NFIB: variants seen among roughly 807,000 people sequenced by gnomAD.
The protein encoded by NFIB is nuclear factor 1 B-type.
NFIB carries 11 observed loss-of-function variants against 61.5 expected under a neutral mutation model. The ratio of observed to expected loss-of-function variants is 0.18; its 90% CI spans 0.11 to 0.30. NFIB has a LOEUF of 0.30. Ranked by LOEUF, NFIB falls within the 10% of genes least tolerant of loss-of-function variation. The pLI is 1.00. For synonymous variants in NFIB, 260 were observed against 216.5 expected (o/e 1.20, Z -1.76); for missense variants, 471 against 608.9 (o/e 0.77, Z 2.38).
the NFIB span, among the ~76,000 whole-genome samples, chr9:14,407,366 A>G: frequency 2.9e-4 from 44 of 152,336 alleles, no homozygotes; most frequent in East Asian, 2.3e-3. Flanking sequence ...TTAACTGGCC[A>G]GTTATTTAGC....
chr9:14,457,658 G>A, the NFIB span, among the ~76,000 whole-genome samples: 1 of 151,116 alleles, frequency 6.6e-6, no homozygotes, highest in African/African-American at 2.4e-5. Context: ...GAATCAAATA[G>A]ACACAATAAA....
intron 2 of NFIB, among the ~76,000 whole-genome samples, chr9:14,299,490 A>T (rs1415068563): frequency 6.6e-6 from 1 of 152,232 alleles, no homozygotes. Flanking sequence ...GCATGTATTT[A>T]ACATGAAATA....
At chr9:14,225,660 A>G (rs1563920531) in intron 2 of NFIB, among the ~76,000 whole-genome samples, 2 of 152,072 alleles carry the variant, frequency 1.3e-5, no homozygotes, top group Non-Finnish European at 2.9e-5. Context: ...AAAGTCTGAT[A>G]TAGAAAGTAA....
At chr9:14,492,596 C>T in the NFIB span, among the ~76,000 whole-genome samples, 15 of 151,942 alleles carry the variant, frequency 9.9e-5, no homozygotes, top group African/African-American at 3.6e-4. Context: ...GGGAAGGTGC[C>T]ACATACTTTT....
intron 2 of NFIB, among the ~76,000 whole-genome samples, chr9:14,263,447 C>A (rs571566004): frequency 6.6e-6 from 1 of 152,222 alleles, no homozygotes; most frequent in South Asian, 2.1e-4. Context: ...TGTTTCCATA[C>A]CCGTATTTAC....
chr9:14,113,060 G>C lies in NFIB; in HGVS notation c.1406C>G (p.Ser469Cys). 1.3e-6 allele frequency: 2 copies of C among 1,550,212 alleles called. No individual in the cohort carries two copies. ...STEAYTASGT[S>C]QANRYVGLSP... ...TAGTCCCACATATCGATTGGCTTGA[G>C]ATGTGCCTGAGGCTGTGTAGGCTGA... Residue 469 changes from serine to cysteine, a missense_variant, in exon 10 of 11, where the codon TCT becomes TGT. Physicochemically the swap from Ser to Cys is moderately radical, Grantham distance 112. This residue lies in a region of NFIB where 372 missense variants were observed against 395.6 expected (regional missense o/e 0.94). Transcript: ENST00000380953.
At chr9:14,247,935 CT>C (rs1051234569) in intron 2 of NFIB, among the ~76,000 whole-genome samples, 226 of 138,034 alleles carry the variant, frequency 1.6e-3, no homozygotes, top group Admixed American at 1.9e-3. Flanking sequence ...TTCTTTTTTT[CT>C]TTTTTTTTTT....
the NFIB span, among the ~76,000 whole-genome samples, chr9:14,453,872 G>T: frequency 6.6e-6 from 1 of 151,976 alleles, no homozygotes; most frequent in Non-Finnish European, 1.5e-5. Context: ...CACAGGGTCA[G>T]GAGATCGAGA....
chr9:14,248,083 C>A (rs901806359), intron 2 of NFIB, among the ~76,000 whole-genome samples: 2 of 151,894 alleles, frequency 1.3e-5, no homozygotes, highest in African/African-American at 4.8e-5. Flanking sequence ...AAGGCATGCA[C>A]CACCATGCCC....
At chr9:14,508,171 A>G in the NFIB span, among the ~76,000 whole-genome samples, 4 of 151,804 alleles carry the variant, frequency 2.6e-5, no homozygotes, top group African/African-American at 9.7e-5. Context: ...GAAAAGCATC[A>G]CTGCTTTTCT....
chr9:14,365,939 A>G (rs1389914767), intron 1 of NFIB, among the ~76,000 whole-genome samples: 1 of 152,174 alleles, frequency 6.6e-6, no homozygotes, highest in African/African-American at 2.4e-5. Context: ...CCTGAGAGCC[A>G]GATGTGGGCT....
chr9:14,434,590 C>T, the NFIB span, among the ~76,000 whole-genome samples: 2 of 152,166 alleles, frequency 1.3e-5, no homozygotes, highest in Non-Finnish European at 2.9e-5. Context: ...ATCCTTGAAG[C>T]TAGTTTTCTC....
At chr9:14,289,201 A>C (rs1050563037) in intron 2 of NFIB, among the ~76,000 whole-genome samples, 2 of 138,592 alleles carry the variant, frequency 1.4e-5, no homozygotes, top group Non-Finnish European at 3.1e-5. Flanking sequence ...AATATATACC[A>C]AATATATAAT....
intron 5 of NFIB, among the ~76,000 whole-genome samples, chr9:14,149,796 GT>G (rs1776814192): frequency 6.6e-6 from 1 of 152,072 alleles, no homozygotes; most frequent in Non-Finnish European, 1.5e-5. Context: ...CCAGGAATCA[GT>G]TATAAACCAG....
In NFIB at chr9:14,082,145, A is replaced by T. The variant is rs2032040664; in HGVS notation, c.*6164T>A. On this transcript the variant is annotated 3_prime_UTR_variant, in exon 11 of 11. Transcript: ENST00000380953. The stretch of plus-strand genomic sequence containing the variant: ...GAGGCCTGAACTCTAGAAATTAAGT[A>T]ACTGTCGTATAATACATCCTACTGC... The T allele has an allele frequency of 4.8e-6, 1 of 207,536 alleles. No individual in the cohort carries two copies. The highest frequency in any genetic ancestry group is 9.8e-6 in the Non-Finnish European group (1 of 101,550). The allele number at this position is 207,536 out of a possible 1,614,324, so 12.9% of individuals were successfully genotyped here.
the NFIB span, among the ~76,000 whole-genome samples, chr9:14,456,231 A>G: frequency 2.7e-5 from 4 of 150,580 alleles, no homozygotes; most frequent in South Asian, 8.4e-4. Flanking sequence ...TTATCATTTA[A>G]GGCATGAAAG....
chr9:14,104,580 T>A (rs1233845687), intron 10 of NFIB, among the ~76,000 whole-genome samples: 1 of 152,046 alleles, frequency 6.6e-6, no homozygotes. Context: ...TTTGTTTAAT[T>A]TTTATTTGTT....
At chr9:14,488,992 C>G in the NFIB span, among the ~76,000 whole-genome samples, 6 of 152,114 alleles carry the variant, frequency 3.9e-5, no homozygotes, top group African/African-American at 1.4e-4. Context: ...TAACAGCTGT[C>G]TCTTGAAATT....
At chr9:14,251,752 A>T (rs924236847) in intron 2 of NFIB, among the ~76,000 whole-genome samples, 3 of 152,176 alleles carry the variant, frequency 2.0e-5, no homozygotes, top group African/African-American at 4.8e-5. Context: ...CATCCTGCAC[A>T]CCGCAGTCTG....
Sources: allele counts gnomAD v4.1 joint callset (sites outside exome capture counted in the v4.1 genomes callset), GRCh38; gene constraint gnomAD v4.1.1; regional missense constraint gnomAD v4.1.1; transcripts MANE v1.5; gene names NCBI Gene and HGNC (gene_info 2026-07-23, HGNC 2026-07-21).